UBR3: variants seen among roughly 807,000 people sequenced by gnomAD.
The protein encoded by UBR3 is E3 ubiquitin-protein ligase UBR3.
A neutral mutation model predicts 243.2 loss-of-function variants in UBR3; 85 were observed. The ratio of observed to expected loss-of-function variants is 0.35; its 90% confidence interval spans 0.29 to 0.42. UBR3 has a LOEUF of 0.42. Among genes scored for constraint, UBR3 ranks in the 10% least tolerant of loss-of-function variants. The probability of loss-of-function intolerance (pLI) is 1.00; values close to 1 mark genes in which losing one functional copy is unlikely to be tolerated. For synonymous variants in UBR3, 748 were observed against 799.8 expected, an observed-to-expected ratio of 0.94 and a Z score of 1.09; for missense variants, 1,686 against 2,300.8, an observed-to-expected ratio of 0.73 and a Z score of 5.47.
chr2:169,833,533 A>C (rs1398086173), intron 1 of UBR3, among the ~76,000 whole-genome samples: 2 of 152,210 alleles, frequency 1.3e-5, no homozygotes, highest in Non-Finnish European at 2.9e-5. Context: ...AAGTTACTGT[A>C]AGATTACATT....
At chr2:169,876,084 CTTT>C (rs547614070) in intron 3 of UBR3, 135 bp downstream of exon 3, 2,995 of 415,596 alleles carry the variant, frequency 7.2e-3, no homozygotes, top group South Asian at 0.011. Context: ...AAGAGAACTT[CTTT>C]TTTTTTTTTT....
chr2:169,974,923 T>C (rs1386580712), intron 24 of UBR3, among the ~76,000 whole-genome samples: 3 of 152,220 alleles, frequency 2.0e-5, no homozygotes, highest in Admixed American at 6.5e-5. Flanking sequence ...GGCTCTTGCC[T>C]GTGATCCCAG....
intron 5 of UBR3, among the ~76,000 whole-genome samples, chr2:169,882,195 A>G (rs62641569): frequency 0.44 from 56,424 of 127,080 alleles, 13,657 homozygotes; most frequent in Non-Finnish European, 0.55. Context: ...TGTGTAATAA[A>G]TAATATACAC....
chr2:169,970,608 A>T (rs1483975892), intron 24 of UBR3, among the ~76,000 whole-genome samples: 1 of 114,412 alleles, frequency 8.7e-6, no homozygotes, highest in Admixed American at 9.1e-5. Flanking sequence ...GTTTGCTGAG[A>T]ATGATGATTT....
Position 169,836,067 on chromosome 2 carries a change from AT to A in UBR3, c.545+8041del, listed in dbSNP as rs60845808. 2.1e-3 allele frequency among the ~76,000 whole-genome samples: 69 copies of A among 32,646 alleles called. 3 individuals carry two copies. The highest frequency in any genetic ancestry group is 5.2e-3 in the African/African-American group (44 of 8,388). The allele number at this position is 32,646 out of a possible 152,430, so 21.4% of individuals were successfully genotyped here. ...TCTATATATATATATATATATATATATTTTTTTTTTTTTTTTTTTTTTTTTT... is the reference window on the plus strand; with the variant it reads ...TCTATATATATATATATATATATATATTTTTTTTTTTTTTTTTTTTTTTTT... On this transcript the variant is annotated intron_variant, in intron 1 of 38. Transcript: ENST00000272793.
At chr2:169,932,124 C>G (rs1390118448) in intron 18 of UBR3, among the ~76,000 whole-genome samples, 1 of 150,850 alleles carries the variant, frequency 6.6e-6, no homozygotes, top group East Asian at 1.9e-4. Context: ...GTTGCCCAGG[C>G]TGGTGTGCAG....
In UBR3 at chr2:169,897,321, T is replaced by G. The variant is rs139273669; in HGVS notation, c.1465+586T>G. ...CTTAGTGAGAACTTTATATTCTTCTTTTGTGCCCACTATGTGGTTGATACT... is the reference window on the plus strand; with the variant it reads ...CTTAGTGAGAACTTTATATTCTTCTGTTGTGCCCACTATGTGGTTGATACT... On this transcript the variant is annotated intron_variant, in intron 8 of 38. Transcript: ENST00000272793. Among the ~76,000 whole-genome samples, 381 of 152,186 alleles carry G rather than the reference T, an allele frequency of 2.5e-3. 1 individual carries two copies. Among genetic ancestry groups the G allele is most frequent in the African/African-American group, 8.7e-3 (361 of 41,532 alleles).
intron 29 of UBR3, chr2:170,014,674 G>A (rs2090183536): frequency 6.6e-6 from 1 of 152,132 alleles, no homozygotes; most frequent in Admixed American, 6.5e-5. Flanking sequence ...CAGTATTGAT[G>A]GTTAGCCATA....
chr2:169,894,678 G>C (rs2084513433), intron 6 of UBR3, among the ~76,000 whole-genome samples: 1 of 152,146 alleles, frequency 6.6e-6, no homozygotes, highest in Non-Finnish European at 1.5e-5. Flanking sequence ...AATATTAGAA[G>C]AAGTATAAAG....
chr2:170,031,592 A>G (rs2090672027), intron 31 of UBR3, among the ~76,000 whole-genome samples: 1 of 152,046 alleles, frequency 6.6e-6, no homozygotes, highest in African/African-American at 2.4e-5. Flanking sequence ...TTATATTGCA[A>G]GATGCTGAGG....
At chr2:169,891,639 C>CACAG (rs978535058) in intron 6 of UBR3, among the ~76,000 whole-genome samples, 2 of 151,552 alleles carry the variant, frequency 1.3e-5, no homozygotes, top group Admixed American at 6.6e-5. Flanking sequence ...CACACACACA[C>CACAG]AGGGAATGAA....
At chr2:170,081,265 G>A (rs544170853) in intron 38 of UBR3, among the ~76,000 whole-genome samples, 86 of 152,224 alleles carry the variant, frequency 5.6e-4, no homozygotes, top group African/African-American at 1.9e-3. Flanking sequence ...TTGGGAGGCC[G>A]AGGTGGGTGG....
Position 169,895,228 on chromosome 2 carries a change from C to A in UBR3, c.1153C>A (p.Leu385Ile), listed in dbSNP as rs2084535655. 2.6e-6 allele frequency: 4 copies of A among 1,540,442 alleles called. No individual in the cohort carries two copies. Among genetic ancestry groups the A allele is most frequent in the Non-Finnish European group, 3.5e-6 (4 of 1,144,244 alleles). The change falls in exon 7 of 39, where the codon CTA (leucine) becomes ATA (isoleucine). Residue 385 changes from leucine to isoleucine, a missense_variant. Physicochemically the swap from Leu to Ile is conservative, Grantham distance 5 (BLOSUM62 2). Around this residue, in one of 8 missense-constraint regions of UBR3, gnomAD observed 200 missense variants for 231.6 expected, o/e 0.86. Coordinates refer to ENST00000272793, the MANE Select transcript of UBR3 (RefSeq NM_172070.4). ...VLKHKSFLEELLFWTIKYEFP... is the reference protein window; with the variant it reads ...VLKHKSFLEEILFWTIKYEFP... ...GAAGCATAAAAGCTTCCTAGAAGAA[C>A]TATTATTTTGGACTATAAAATATGA...
chr2:170,054,906 G>A (rs1414467157), intron 32 of UBR3, among the ~76,000 whole-genome samples: 1 of 152,182 alleles, frequency 6.6e-6, no homozygotes, highest in African/African-American at 2.4e-5. Context: ...CTGAAAGAGA[G>A]CACCCTTTCC....
At chr2:169,922,878 A>G (rs2085761432) in intron 11 of UBR3, among the ~76,000 whole-genome samples, 1 of 152,186 alleles carries the variant, frequency 6.6e-6, no homozygotes, top group Non-Finnish European at 1.5e-5. Flanking sequence ...GGTTTTGAAA[A>G]AAATAATTAT....
At chr2:170,038,063 T>G (rs923652650) in intron 31 of UBR3, among the ~76,000 whole-genome samples, 1 of 152,186 alleles carries the variant, frequency 6.6e-6, no homozygotes, top group Admixed American at 6.5e-5. Context: ...GTTAAGCACT[T>G]TAAGTTTTTC....
At chr2:169,942,682 AAAT>A (rs767977962) in intron 20 of UBR3, 48 bp downstream of exon 20, 28 of 1,442,818 alleles carry the variant, frequency 1.9e-5, no homozygotes, top group Non-Finnish European at 2.4e-5. Flanking sequence ...ATTTATTTTC[AAAT>A]AATAATCCTA....
At chr2:169,963,681 AC>A (rs2087681262) in intron 24 of UBR3, among the ~76,000 whole-genome samples, 1 of 152,206 alleles carries the variant, frequency 6.6e-6, no homozygotes, top group Non-Finnish European at 1.5e-5. Flanking sequence ...AAAAATAAGA[AC>A]TAATATATTT....
At chr2:170,054,421 A>T (rs1444431574) in intron 32 of UBR3, among the ~76,000 whole-genome samples, 2 of 151,930 alleles carry the variant, frequency 1.3e-5, no homozygotes. Context: ...AGCTGATATT[A>T]CAGGCACCCG....
Sources: gnomAD v4.1 joint callset for allele counts (sites outside exome capture counted in the v4.1 genomes callset) on GRCh38, gnomAD v4.1.1 for gene constraint, gnomAD v4.1.1 regional missense constraint, MANE v1.5 for transcripts, NCBI Gene and HGNC (gene_info 2026-07-23, HGNC 2026-07-21) for gene names.